USH2A: variants seen among roughly 807,000 people sequenced by gnomAD.
USH2A encodes Usher syndrome 2A (autosomal recessive, mild).
Under a neutral mutation model 538.9 loss-of-function variants are expected in USH2A, and 443 were observed. The ratio of observed to expected loss-of-function variants is 0.82; its 90% CI spans 0.76 to 0.89. USH2A has a LOEUF of 0.89. Among genes scored for constraint, USH2A ranks in the 40% least tolerant of loss-of-function variants. USH2A has a pLI of 0.00. For missense variants in USH2A, 6,633 were observed against 6,324.8 expected (o/e 1.05, Z -1.65); for synonymous variants, 2,413 against 2,273.5 (o/e 1.06, Z -1.75).
In USH2A at chr1:215,622,937, T is replaced by A. The variant is rs1195097537; in HGVS notation, c.*2844A>T. On this transcript the variant is annotated 3_prime_UTR_variant, in exon 72 of 72. Coordinates refer to ENST00000307340, the MANE Select transcript of USH2A (RefSeq NM_206933.4). The stretch of plus-strand genomic sequence containing the variant: ...ATTAAGCAAACCATCTTTAGATTAG[T>A]TTACATGATATTTGTGCATTGGAAA... 1 of 152,122 alleles carries A rather than the reference T, an allele frequency of 6.6e-6. No homozygotes were observed. Among genetic ancestry groups the A allele is most frequent in the Admixed American group, 6.6e-5 (1 of 15,260 alleles). The allele number at this position is 152,122 out of a possible 1,614,324, so 9.4% of individuals were successfully genotyped here.
At chr1:215,939,509 T>C (rs1368368631) in intron 37 of USH2A, among the ~76,000 whole-genome samples, 1 of 152,094 alleles carries the variant, frequency 6.6e-6, no homozygotes, top group Non-Finnish European at 1.5e-5. Flanking sequence ...ACAATATTAA[T>C]GCCCCTTTTC....
intron 40 of USH2A, among the ~76,000 whole-genome samples, chr1:215,897,180 T>C (rs1665369073): frequency 6.6e-6 from 1 of 152,168 alleles, no homozygotes; most frequent in Admixed American, 6.6e-5. Flanking sequence ...TTTCTCTTTG[T>C]GGTTTCACCT....
intron 11 of USH2A, among the ~76,000 whole-genome samples, chr1:216,273,489 A>G (rs10779666): frequency 0.6 from 91,531 of 151,878 alleles, 29,586 homozygotes; most frequent in East Asian, 0.76. Flanking sequence ...AATGAAAAAA[A>G]AACCTCACAT....
At position 215,782,102 on chromosome 1, in the gene USH2A, A is replaced by G. The variant is rs1353859745; in HGVS notation, c.10680T>C (p.Phe3560=). 3.7e-6 allele frequency: 6 copies of G among 1,613,914 alleles called. No homozygotes were observed. In the African/African-American group the frequency reaches 8.0e-5, roughly 22 times the overall value. ...CTTTCAGCTGATATGAATATTCCTG[A>G]AATGGTTGAATTCCCTCTTTATCAG... ...SFSDKEGIQP[F]QEYSYQLKAC... The change falls in exon 54 of 72, where the codon TTT becomes TTC. Residue 3560 remains phenylalanine (F), a synonymous_variant. Transcript: ENST00000307340.
At chr1:216,243,050 T>A (rs1340925621) in intron 13 of USH2A, among the ~76,000 whole-genome samples, 3 of 152,158 alleles carry the variant, frequency 2.0e-5, no homozygotes, top group African/African-American at 7.2e-5. Flanking sequence ...AATATAATAA[T>A]CCAAATCTGT....
At chr1:215,870,027 G>T (rs1274502587) in intron 43 of USH2A, among the ~76,000 whole-genome samples, 1 of 152,172 alleles carries the variant, frequency 6.6e-6, no homozygotes, top group Non-Finnish European at 1.5e-5. Flanking sequence ...ATAATAAAGT[G>T]TGTGCTACAT....
intron 32 of USH2A, 115 bp downstream of exon 32, chr1:216,046,316 G>T: frequency 9.0e-7 from 1 of 1,109,172 alleles, no homozygotes. Flanking sequence ...TATTTCCTAA[G>T]CATTCTTGAT....
At chr1:216,362,762 G>A (rs1211262869) in intron 4 of USH2A, among the ~76,000 whole-genome samples, 4 of 151,696 alleles carry the variant, frequency 2.6e-5, no homozygotes, top group African/African-American at 9.7e-5. Context: ...GGCCAACATG[G>A]TGAAACCCCA....
intron 11 of USH2A, among the ~76,000 whole-genome samples, chr1:216,275,636 T>C (rs752918896): frequency 5.3e-5 from 8 of 152,108 alleles, no homozygotes; most frequent in African/African-American, 1.7e-4. Flanking sequence ...AATCAGGTTT[T>C]CTAAAAAGTA....
At chr1:215,954,662 T>A (rs895613521) in intron 37 of USH2A, among the ~76,000 whole-genome samples, 1 of 151,834 alleles carries the variant, frequency 6.6e-6, no homozygotes, top group Non-Finnish European at 1.5e-5. Context: ...CATGTATACA[T>A]ATGTAACTAA....
chr1:216,014,296 T>C (rs2102495497), intron 32 of USH2A, among the ~76,000 whole-genome samples: 1 of 152,122 alleles, frequency 6.6e-6, no homozygotes, highest in Middle Eastern at 3.4e-3. Context: ...TTAAAAACAG[T>C]TAACAAAAAG....
At chr1:216,303,593 C>A (rs2037255882) in intron 9 of USH2A, among the ~76,000 whole-genome samples, 1 of 151,618 alleles carries the variant, frequency 6.6e-6, no homozygotes, top group South Asian at 2.1e-4. Context: ...TTAAAAAACC[C>A]TTTCTTAAGT....
chr1:215,928,107 C>T (rs1666276422), intron 38 of USH2A, among the ~76,000 whole-genome samples: 1 of 152,002 alleles, frequency 6.6e-6, no homozygotes, highest in African/African-American at 2.4e-5. Context: ...ATTCAAATTA[C>T]ACACAGTTTC....
At chr1:215,900,608 A>G (rs1366058604) in intron 39 of USH2A, 147 bp downstream of exon 39, 1 of 1,087,488 alleles carries the variant, frequency 9.2e-7, no homozygotes, top group East Asian at 2.6e-5. Context: ...TGCAAAGCAA[A>G]TGATTATCCT....
intron 47 of USH2A, among the ~76,000 whole-genome samples, chr1:215,820,925 C>T (rs1662994947): frequency 6.6e-6 from 1 of 151,624 alleles, no homozygotes; most frequent in African/African-American, 2.4e-5. Context: ...GGAGTTAAGT[C>T]TTTTTTATGG....
chr1:215,932,042 T>G (rs942270050), intron 38 of USH2A, among the ~76,000 whole-genome samples: 3 of 152,020 alleles, frequency 2.0e-5, no homozygotes, highest in African/African-American at 7.2e-5. Context: ...CATTTTATTT[T>G]GCCCAACTCT....
intron 39 of USH2A, 125 bp from the exon 40 acceptor site, chr1:215,900,342 C>T (rs758292495): frequency 2.3e-5 from 24 of 1,042,888 alleles, no homozygotes; most frequent in Non-Finnish European, 3.1e-5. Flanking sequence ...TAATTTTCTG[C>T]CATCAAATGA....
chr1:215,734,164 T>C (rs894712783), intron 60 of USH2A, among the ~76,000 whole-genome samples: 1 of 152,216 alleles, frequency 6.6e-6, no homozygotes, highest in Non-Finnish European at 1.5e-5. Flanking sequence ...TTGCATTCTG[T>C]GCATCTGCCA....
At chr1:215,916,142 C>G (rs1665947288) in intron 38 of USH2A, among the ~76,000 whole-genome samples, 1 of 151,538 alleles carries the variant, frequency 6.6e-6, no homozygotes, top group African/African-American at 2.4e-5. Flanking sequence ...ACATGTGTAA[C>G]AAACCTGCAC....
Sources: gnomAD v4.1 joint callset for allele counts (sites outside exome capture counted in the v4.1 genomes callset) on GRCh38, gnomAD v4.1.1 for gene constraint, MANE v1.5 for transcripts, NCBI Gene and HGNC (gene_info 2026-07-23, HGNC 2026-07-21) for gene names.